PITPNM2: variants seen among roughly 807,000 people sequenced by gnomAD.
PITPNM2 encodes phosphatidylinositol transfer protein membrane associated 2.
PITPNM2 carries 35 observed loss-of-function variants against 132.2 expected under a neutral mutation model. The observed-to-expected ratio is 0.26, with a 90% CI of 0.20 to 0.35. The LOEUF is 0.35. PITPNM2 is among the 10% of genes least tolerant of loss of function. PITPNM2 has a pLI of 1.00. For synonymous variants in PITPNM2, 738 were observed against 799.2 expected (o/e 0.92, Z 1.29); for missense variants, 1,332 against 1,912.0 (o/e 0.70, Z 5.66).
intron 2 of PITPNM2, among the ~76,000 whole-genome samples, chr12:123,055,281 A>G (rs1317836789): frequency 2.0e-5 from 3 of 152,212 alleles, no homozygotes; most frequent in Non-Finnish European, 4.4e-5. Flanking sequence ...AGCTCGACAT[A>G]AAGTCCAGTG....
rs982319058 is a variant in PITPNM2, at chr12:122,985,566, C to T, written c.*461G>A. 6.3e-6 allele frequency: 1 copy of T among 159,874 alleles called. No homozygotes were observed. The highest frequency in any genetic ancestry group is 1.4e-5 in the Non-Finnish European group (1 of 73,394). 9.9% of individuals were successfully genotyped at this position (159,874 alleles called of 1,614,324 possible). A position where few individuals can be genotyped will look rare whatever the true frequency, so the allele number is the denominator to read the frequency against. ...TCCGCTCTCAAAAATCAGTGCAAAA[C>T]CAGTGAGGTTGAACAGTTGAGAAAC... On this transcript the variant is annotated 3_prime_UTR_variant, in exon 26 of 26. Transcript: ENST00000320201.
chr12:123,014,095 AG>A, intron 3 of PITPNM2, 53 bp from the exon 4 acceptor site: 2 of 1,594,542 alleles, frequency 1.3e-6, no homozygotes, highest in Non-Finnish European at 1.7e-6. Flanking sequence ...ACTCTTCAGG[AG>A]GGAAGGGGCA....
intron 2 of PITPNM2, among the ~76,000 whole-genome samples, chr12:123,056,525 G>A (rs1320001827): frequency 1.3e-5 from 2 of 152,190 alleles, no homozygotes; most frequent in African/African-American, 4.8e-5. Flanking sequence ...CCTGGGTCAG[G>A]TTCTCAGTCA....
chr12:123,103,899 T>A (rs2042627046), intron 2 of PITPNM2, among the ~76,000 whole-genome samples: 1 of 148,662 alleles, frequency 6.7e-6, no homozygotes, highest in South Asian at 2.1e-4. Flanking sequence ...TTTGTTATTT[T>A]ATTTATTTAT....
intron 2 of PITPNM2, among the ~76,000 whole-genome samples, chr12:123,093,836 G>A (rs986447059): frequency 6.6e-6 from 1 of 152,250 alleles, no homozygotes; most frequent in Non-Finnish European, 1.5e-5. Context: ...TGACTGTGAG[G>A]AACCTGGAGT....
Position 123,052,503 on chromosome 12 carries a change from C to T in PITPNM2, c.-95-17818G>A, listed in dbSNP as rs2040894050. On this transcript the variant is annotated intron_variant, in intron 2 of 25. Transcript: ENST00000320201. ...GGCATGGTGGCGCAAGCCTGTAATCCTAGCTACTTGGGAAGCTGAGGTTGG... is the reference window on the plus strand; with the variant it reads ...GGCATGGTGGCGCAAGCCTGTAATCTTAGCTACTTGGGAAGCTGAGGTTGG... Among the ~76,000 whole-genome samples, 5 of 152,258 alleles carry T rather than the reference C, an allele frequency of 3.3e-5. No homozygotes were observed. The East Asian group carries it at 9.6e-4, about 29-fold the overall frequency.
intron 6 of PITPNM2, among the ~76,000 whole-genome samples, chr12:123,006,612 T>C (rs958736285): frequency 2.0e-5 from 3 of 148,364 alleles, no homozygotes; most frequent in Non-Finnish European, 4.5e-5. Flanking sequence ...ACTTGTGAGG[T>C]GGAGGTGGGG....
chr12:123,121,108 C>G (rs1311615411), intron 1 of PITPNM2, among the ~76,000 whole-genome samples: 1 of 152,266 alleles, frequency 6.6e-6, no homozygotes, highest in Non-Finnish European at 1.5e-5. Context: ...TCAGAGGCCT[C>G]TCTGCTGACT....
intron 3 of PITPNM2, 147 bp from the exon 4 acceptor site, chr12:123,014,189 C>T (rs758444701): frequency 2.0e-5 from 16 of 792,896 alleles, no homozygotes; most frequent in Non-Finnish European, 3.0e-5. Flanking sequence ...CTTCCAGGCC[C>T]CCAAATCTAT....
intron 2 of PITPNM2, among the ~76,000 whole-genome samples, chr12:123,056,067 G>C (rs1324145435): frequency 6.6e-6 from 1 of 152,154 alleles, no homozygotes. Context: ...CTGGATCCTA[G>C]AACACTGCCC....
At position 123,108,077 on chromosome 12, in the gene PITPNM2, T is replaced by A. The variant is rs2042757373; in HGVS notation, c.-96+2308A>T. Among the ~76,000 whole-genome samples, 1 of 152,202 alleles carries A rather than the reference T, an allele frequency of 6.6e-6. No homozygotes were observed. The highest frequency in any genetic ancestry group is 1.5e-5 in the Non-Finnish European group (1 of 68,034). ...GAGGTGGGAAGAGGGAATTTCAGGA[T>A]GCTGGAACTGCATAAGCAAAGCGCA... On this transcript the variant is annotated intron_variant, in intron 2 of 25. Coordinates refer to ENST00000320201, the MANE Select transcript of PITPNM2 (RefSeq NM_020845.3). This position sits in a 1 kb window ranked among gnomAD's most constrained non-coding sequence, Gnocchi z 4.4.
At chr12:122,986,948 G>GT (rs971951628) in intron 23 of PITPNM2, 119 bp from the exon 24 acceptor site, 1 of 1,282,786 alleles carries the variant, frequency 7.8e-7, no homozygotes, top group African/African-American at 1.5e-5. Context: ...AGCTCAGACA[G>GT]TAACGACGAC....
intron 2 of PITPNM2, among the ~76,000 whole-genome samples, chr12:123,060,843 C>G (rs890246026): frequency 1.3e-5 from 2 of 152,112 alleles, no homozygotes; most frequent in African/African-American, 4.8e-5. Context: ...TCACAAACCT[C>G]AGAAACTGAA....
intron 3 of PITPNM2, among the ~76,000 whole-genome samples, chr12:123,029,761 C>T (rs1333433270): frequency 1.3e-5 from 2 of 151,714 alleles, no homozygotes; most frequent in Non-Finnish European, 2.9e-5. Flanking sequence ...TATTTGTGTA[C>T]ATACCTGTAT....
intron 6 of PITPNM2, chr12:123,007,351 C>T (rs967497110): frequency 2.2e-6 from 1 of 456,464 alleles, no homozygotes; most frequent in Admixed American, 2.4e-5. Flanking sequence ...TACATTGTTT[C>T]TCCATTTTGC....
chr12:122,990,552 G>C lies in PITPNM2; in HGVS notation c.2562C>G (p.Ile854Met), dbSNP rs376540906. 1.2e-6 allele frequency: 2 copies of C among 1,612,776 alleles called. No individual in the cohort carries two copies. Among genetic ancestry groups the C allele is most frequent in the Non-Finnish European group, 1.7e-6 (2 of 1,179,946 alleles). The change falls in exon 17 of 26, where the codon ATC (isoleucine) becomes ATG (methionine). Residue 854 changes from isoleucine (I) to methionine (M), a missense_variant. By Grantham distance (10) the Ile-to-Met change is conservative. This residue lies in a region of PITPNM2 where 710 missense variants were observed against 911.5 expected (regional missense o/e 0.78). Transcript: ENST00000320201. ...GGGGCCTGGTATACTCACTCTGGGC[G>C]ATGCTGGATGCCGTGTAGCTCTCAG... ...GMAESYTASSIAQKAPDALSH... is the reference protein window; with the variant it reads ...GMAESYTASSMAQKAPDALSH...
At chr12:123,081,689 AC>A (rs939194786) in intron 2 of PITPNM2, 2 of 152,162 alleles carry the variant, frequency 1.3e-5, no homozygotes, top group African/African-American at 4.8e-5. Context: ...TCCCGACCCC[AC>A]CAAGCTGGCC....
At chr12:123,007,794 C>T (rs1038085849) in intron 6 of PITPNM2, among the ~76,000 whole-genome samples, 3 of 152,096 alleles carry the variant, frequency 2.0e-5, no homozygotes, top group South Asian at 2.1e-4. Context: ...CTGGGGTGAC[C>T]GGAAGGGCTG....
chr12:123,131,602 A>T (rs772790814), intron 1 of PITPNM2, among the ~76,000 whole-genome samples: 28 of 152,226 alleles, frequency 1.8e-4, no homozygotes, highest in Non-Finnish European at 3.5e-4. Flanking sequence ...TCCAGGAGGC[A>T]GAGGGAGAGT....
Sources: gnomAD v4.1 joint callset for allele counts (sites outside exome capture counted in the v4.1 genomes callset) on GRCh38, gnomAD v4.1.1 for gene constraint, gnomAD v4.1.1 regional missense constraint, Gnocchi (gnomAD v3.1) non-coding constraint, MANE v1.5 for transcripts, NCBI Gene and HGNC (gene_info 2026-07-23, HGNC 2026-07-21) for gene names.